Variants in CMSS1 observed in about 807,000 individuals in gnomAD.
CMSS1 encodes the protein protein CMSS1.
A neutral mutation model predicts 43.5 loss-of-function variants in CMSS1; 33 were observed. The observed-to-expected ratio is 0.76, with a 90% CI of 0.57 to 1.01. CMSS1 has a LOEUF of 1.01. CMSS1 is among the 50% of genes least tolerant of loss of function. CMSS1 has a pLI of 0.00. For synonymous variants in CMSS1, 115 were observed against 117.2 expected, an observed-to-expected ratio of 0.98 and a Z score of 0.12; for missense variants, 313 against 326.4, an observed-to-expected ratio of 0.96 and a Z score of 0.32.
At chr3:99,980,140 T>C (rs986921290) in intron 1 of CMSS1, among the ~76,000 whole-genome samples, 1 of 152,138 alleles carries the variant, frequency 6.6e-6, no homozygotes, top group African/African-American at 2.4e-5. Context: ...TAGTGAGACA[T>C]GCAGTAGTAC....
intron 1 of CMSS1, among the ~76,000 whole-genome samples, chr3:99,889,849 C>G (rs1012704746): frequency 6.6e-6 from 1 of 151,966 alleles, no homozygotes; most frequent in African/African-American, 2.4e-5. Context: ...TCTGAGCATA[C>G]CCTCCCAGTT....
chr3:99,819,973 T>A (rs1202671671), intron 1 of CMSS1, among the ~76,000 whole-genome samples: 3 of 151,856 alleles, frequency 2.0e-5, no homozygotes, highest in African/African-American at 7.3e-5. Context: ...CAGGCTGGTC[T>A]TGATCTCTTG....
At chr3:100,025,212 CCTT>C (rs1391831246) in intron 1 of CMSS1, among the ~76,000 whole-genome samples, 1 of 152,162 alleles carries the variant, frequency 6.6e-6, no homozygotes, top group African/African-American at 2.4e-5. Context: ...TAGGGCTCGT[CCTT>C]CTTGCCACTA....
Position 100,015,049 on chromosome 3 carries a change from T to C in CMSS1, c.65-131924T>C, listed in dbSNP as rs573967086. Among the ~76,000 whole-genome samples, 3 of 151,992 alleles carry C rather than the reference T, an allele frequency of 2.0e-5. No homozygotes were observed. The South Asian group carries it at 6.2e-4, about 32-fold the overall frequency. ...AGGTTTTACATTTAAGGCTTTAATCTATCTTGAGTTGAATTTTGTGTATTG... is the reference window on the plus strand; with the variant it reads ...AGGTTTTACATTTAAGGCTTTAATCCATCTTGAGTTGAATTTTGTGTATTG... On this transcript the variant is annotated intron_variant, in intron 1 of 9. Coordinates refer to ENST00000421999, the MANE Select transcript of CMSS1 (RefSeq NM_032359.4).
At chr3:100,156,528 T>G (rs1168773435) in intron 2 of CMSS1, among the ~76,000 whole-genome samples, 1 of 151,414 alleles carries the variant, frequency 6.6e-6, no homozygotes, top group Non-Finnish European at 1.5e-5. Flanking sequence ...AGGCTGGTCT[T>G]GAACTCCTGA....
intron 1 of CMSS1, among the ~76,000 whole-genome samples, chr3:100,105,089 A>T (rs536507254): frequency 4.3e-4 from 66 of 152,300 alleles, no homozygotes; most frequent in African/African-American, 1.5e-3. Context: ...CTCTTAGCCT[A>T]GTCTTGGAAA....
intron 1 of CMSS1, among the ~76,000 whole-genome samples, chr3:99,852,855 A>C (rs528396054): frequency 6.6e-6 from 1 of 152,186 alleles, no homozygotes; most frequent in Non-Finnish European, 1.5e-5. Flanking sequence ...TACATTCCAT[A>C]GGAGGAACAT....
At chr3:99,836,189 A>G (rs1303158879) in intron 1 of CMSS1, among the ~76,000 whole-genome samples, 7 of 152,190 alleles carry the variant, frequency 4.6e-5, no homozygotes, top group African/African-American at 1.7e-4. Flanking sequence ...TTACAGTACC[A>G]TCTGTCCTAA....
At chr3:100,020,760 C>CTTTTTTTTTTTTTTTTTTTTTT (rs34665880) in intron 1 of CMSS1, among the ~76,000 whole-genome samples, 1 of 70,994 alleles carries the variant, frequency 1.4e-5, no homozygotes, top group African/African-American at 5.9e-5. Flanking sequence ...GAATAATTAG[C>CTTTTTTTTTTTTTTTTTTTTTT]TTTTTTTTTT....
chr3:99,922,292 A>G lies in CMSS1; in HGVS notation c.64+104249A>G, dbSNP rs115138090. Among the ~76,000 whole-genome samples, 998 of 152,328 alleles carry G rather than the reference A, an allele frequency of 6.6e-3. 2 individuals carry two copies. Among genetic ancestry groups the G allele is most frequent in the African/African-American group, 7.9e-3 (329 of 41,576 alleles). ...GGGGTTCAAAATAATGTTTAATATA[A>G]CATTGTCTCATTGAATAACAAATCT... is the stretch of plus-strand genomic sequence containing the variant. On this transcript the variant is annotated intron_variant, in intron 1 of 9. Transcript: ENST00000421999.
chr3:100,118,514 A>C lies in CMSS1; in HGVS notation c.65-28459A>C, dbSNP rs114302695. The stretch of plus-strand genomic sequence containing the variant: ...ATAGACTTTTGAAATTAACTTTATG[A>C]AACTAGCCATTTGTTGTTTTAATAG... On this transcript the variant is annotated intron_variant, in intron 1 of 9. Transcript: ENST00000421999. Among the ~76,000 whole-genome samples the C allele has an allele frequency of 6.2e-3, 937 of 152,256 alleles. 6 individuals carry two copies. Among genetic ancestry groups the C allele is most frequent in the African/African-American group, 0.018 (743 of 41,554 alleles).
At chr3:100,021,140 C>T (rs545471267) in intron 1 of CMSS1, among the ~76,000 whole-genome samples, 4 of 152,306 alleles carry the variant, frequency 2.6e-5, no homozygotes, top group South Asian at 4.1e-4. Context: ...CAAATCCTGA[C>T]GCAAAATTCC....
chr3:99,847,928 T>C, intron 1 of CMSS1: 1 of 995,558 alleles, frequency 1.0e-6, no homozygotes, highest in African/African-American at 1.7e-5. Flanking sequence ...CAAGCAATGG[T>C]AAAAATAACA....
intron 1 of CMSS1, among the ~76,000 whole-genome samples, chr3:99,821,414 A>G (rs902396255): frequency 1.3e-5 from 2 of 152,204 alleles, no homozygotes; most frequent in African/African-American, 2.4e-5. Context: ...ATTGGTGGCA[A>G]TTGGAGTCAT....
chr3:100,098,918 A>G (rs78676889), intron 1 of CMSS1, among the ~76,000 whole-genome samples: 238 of 152,338 alleles, frequency 1.6e-3, no homozygotes, highest in African/African-American at 5.4e-3. Context: ...ATACTTCTCA[A>G]TTTGGGATTA....
At position 99,950,295 on chromosome 3, in the gene CMSS1, C is replaced by T. The variant is rs1708137897; in HGVS notation, c.64+132252C>T. 3.9e-5 allele frequency among the ~76,000 whole-genome samples: 6 copies of T among 152,156 alleles called. No individual in the cohort carries two copies. In the South Asian group the frequency reaches 1.2e-3, roughly 32 times the overall value. Reference sequence around the variant, plus strand: ...AAAGGATGATAGTTATACCAGAGCTCTTACTAAATGTTAGAAATTTTTACA... The same window carrying T: ...AAAGGATGATAGTTATACCAGAGCTTTTACTAAATGTTAGAAATTTTTACA... On this transcript the variant is annotated intron_variant, in intron 1 of 9. Coordinates refer to ENST00000421999, the MANE Select transcript of CMSS1 (RefSeq NM_032359.4).
intron 1 of CMSS1, among the ~76,000 whole-genome samples, chr3:100,107,236 G>A (rs1261056086): frequency 6.6e-6 from 1 of 152,152 alleles, no homozygotes; most frequent in Non-Finnish European, 1.5e-5. Flanking sequence ...CTGTCCAGAT[G>A]TAGATGGGAA....
intron 1 of CMSS1, among the ~76,000 whole-genome samples, chr3:100,067,562 T>C (rs1559746232): frequency 6.6e-6 from 1 of 152,212 alleles, no homozygotes; most frequent in Non-Finnish European, 1.5e-5. Context: ...TTTTGCAGAT[T>C]TGATTCAGAT....
intron 1 of CMSS1, among the ~76,000 whole-genome samples, chr3:99,864,952 G>A (rs1226600276): frequency 6.6e-6 from 1 of 152,090 alleles, no homozygotes; most frequent in South Asian, 2.1e-4. Flanking sequence ...TCAATCATTG[G>A]TCTATTTTGT....
Sources: allele counts gnomAD v4.1 joint callset (sites outside exome capture counted in the v4.1 genomes callset), GRCh38; gene constraint gnomAD v4.1.1; transcripts MANE v1.5; gene names NCBI Gene and HGNC (gene_info 2026-07-23, HGNC 2026-07-21).